Variants in CREBRF observed in about 807,000 individuals in gnomAD.
The protein encoded by CREBRF is CREB3 regulatory factor, also known as UPF0474 protein C5orf41.
In CREBRF, 5 loss-of-function variants were observed where a neutral mutation model predicts 66.1. The observed-to-expected ratio is 0.08, with a 90% confidence interval of 0.04 to 0.16. The LOEUF (loss-of-function observed/expected upper bound fraction) is 0.16, where lower values mean the gene tolerates loss of function less well. Among genes scored for constraint, CREBRF ranks in the 10% least tolerant of loss-of-function variants. The pLI, the probability that CREBRF is intolerant of heterozygous loss-of-function variation, is 1.00. For missense variants in CREBRF, 531 were observed against 744.9 expected, an observed-to-expected ratio of 0.71 and a Z score of 3.34; for synonymous variants, 229 against 264.4, an observed-to-expected ratio of 0.87 and a Z score of 1.30.
intron 2 of CREBRF, among the ~76,000 whole-genome samples, chr5:173,083,866 G>C (rs1405292383): frequency 6.6e-6 from 1 of 152,108 alleles, no homozygotes; most frequent in Non-Finnish European, 1.5e-5. Context: ...TTTTTTGACA[G>C]GGAAAACATT....
intron 7 of CREBRF, 132 bp from the exon 8 acceptor site, chr5:173,122,948 A>G (rs920973196): frequency 2.8e-6 from 2 of 704,004 alleles, no homozygotes; most frequent in African/African-American, 1.9e-5. Context: ...TTATGGCTGC[A>G]TAGTATTCCA....
At chr5:173,093,924 C>T (rs989907319) in intron 4 of CREBRF, among the ~76,000 whole-genome samples, 7 of 152,184 alleles carry the variant, frequency 4.6e-5, no homozygotes, top group African/African-American at 1.7e-4. Flanking sequence ...CCATTTCCCC[C>T]ACCCACCAGC....
In CREBRF at chr5:173,089,216, A is replaced by AAC. The variant is rs113514387; in HGVS notation, c.136-1078_136-1077dup. Among the ~76,000 whole-genome samples, 746 of 145,692 alleles carry AAC rather than the reference A, an allele frequency of 5.1e-3. 4 individuals are homozygous for AAC. Among genetic ancestry groups the AAC allele is most frequent in the African/African-American group, 0.01 (406 of 39,482 alleles). ...CAAAAAAAAAAACCCATACACAGAC[A>AAC]ACACACACACACACACACACACCCC... On this transcript the variant is annotated intron_variant, in intron 3 of 8. Coordinates refer to ENST00000296953, the MANE Select transcript of CREBRF (RefSeq NM_153607.3).
rs1758287199 is a variant in CREBRF, at chr5:173,090,241, T to C, written c.136-74T>C. Reference sequence around the variant, plus strand: ...AGACCAAAAGTCAAGTATTGATTTATCAGTTTGACATATGGAGGTGAATAT... The same window carrying C: ...AGACCAAAAGTCAAGTATTGATTTACCAGTTTGACATATGGAGGTGAATAT... On this transcript the variant is annotated intron_variant, in intron 3 of 8. Coordinates refer to ENST00000296953, the MANE Select transcript of CREBRF (RefSeq NM_153607.3). This position sits in a 1 kb window ranked among gnomAD's most constrained non-coding sequence, Gnocchi z 4.5. 3.3e-6 allele frequency: 4 copies of C among 1,215,778 alleles called. No homozygotes were observed. The African/African-American group carries it at 4.5e-5, about 14-fold the overall frequency. 75.3% of individuals were successfully genotyped at this position (1,215,778 alleles called of 1,614,324 possible). A position where few individuals can be genotyped will look rare whatever the true frequency, so the allele number is the denominator to read the frequency against.
intron 4 of CREBRF, among the ~76,000 whole-genome samples, chr5:173,094,258 A>G (rs892582960): frequency 2.0e-5 from 3 of 152,198 alleles, no homozygotes; most frequent in Non-Finnish European, 4.4e-5. Flanking sequence ...GAATGCAGAT[A>G]TCTCTTCAAG....
intron 2 of CREBRF, among the ~76,000 whole-genome samples, chr5:173,081,913 CAAAA>C (rs968951578): frequency 6.7e-6 from 1 of 149,462 alleles, no homozygotes; most frequent in South Asian, 2.1e-4. Flanking sequence ...AAAAAACAAA[CAAAA>C]AAGAACAGCT....
At chr5:173,096,282 T>G (rs932257673) in intron 4 of CREBRF, among the ~76,000 whole-genome samples, 7 of 152,226 alleles carry the variant, frequency 4.6e-5, no homozygotes, top group African/African-American at 1.7e-4. Flanking sequence ...GGTGAAGTCT[T>G]TAGGGTTTTC....
chr5:173,073,668 C>T (rs968727785), intron 1 of CREBRF, among the ~76,000 whole-genome samples: 1 of 152,154 alleles, frequency 6.6e-6, no homozygotes, highest in South Asian at 2.1e-4. Flanking sequence ...CAGAAACTTG[C>T]TTTAATAGTC....
intron 8 of CREBRF, among the ~76,000 whole-genome samples, chr5:173,128,340 C>T (rs1759320822): frequency 6.6e-6 from 1 of 151,938 alleles, no homozygotes; most frequent in African/African-American, 2.4e-5. Context: ...TTCTTGGCTA[C>T]CTAATATAAG....
chr5:173,130,529 C>CA (rs1759398613), intron 8 of CREBRF, among the ~76,000 whole-genome samples: 1 of 141,798 alleles, frequency 7.1e-6, no homozygotes, highest in Non-Finnish European at 1.5e-5. Flanking sequence ...AAATTCATTG[C>CA]TTTTTTTTTT....
chr5:173,061,184 T>C (rs140735674), intron 1 of CREBRF, among the ~76,000 whole-genome samples: 11 of 152,320 alleles, frequency 7.2e-5, no homozygotes, highest in African/African-American at 2.6e-4. Context: ...GCCAGGCTGG[T>C]CTCAATCTCC....
intron 1 of CREBRF, among the ~76,000 whole-genome samples, chr5:173,059,691 T>A (rs1757209937): frequency 6.6e-6 from 1 of 152,254 alleles, no homozygotes; most frequent in African/African-American, 2.4e-5. Context: ...ATACTTAGAA[T>A]ATTCCAGGCA....
chr5:173,094,136 T>A (rs1758418580), intron 4 of CREBRF, among the ~76,000 whole-genome samples: 1 of 152,230 alleles, frequency 6.6e-6, no homozygotes, highest in South Asian at 2.1e-4. Context: ...TATTCCTGTG[T>A]GTGTGGGCAT....
intron 8 of CREBRF, among the ~76,000 whole-genome samples, chr5:173,128,849 C>T (rs968954800): frequency 1.1e-4 from 16 of 151,786 alleles, no homozygotes; most frequent in South Asian, 2.1e-4. Flanking sequence ...GGCTCGATCT[C>T]GGCTCACCTT....
intron 2 of CREBRF, among the ~76,000 whole-genome samples, chr5:173,083,217 A>T (rs967553253): frequency 1.3e-5 from 2 of 152,122 alleles, no homozygotes; most frequent in Admixed American, 1.3e-4. Flanking sequence ...TCTCCAAAAA[A>T]AAATAAATAA....
At chr5:173,093,596 A>C (rs1758403712) in intron 4 of CREBRF, among the ~76,000 whole-genome samples, 1 of 152,186 alleles carries the variant, frequency 6.6e-6, no homozygotes, top group African/African-American at 2.4e-5. Context: ...GGCTCACTGC[A>C]ACCTCTGCTT....
chr5:173,117,603 A>T (rs182197810), intron 7 of CREBRF, among the ~76,000 whole-genome samples: 1,117 of 17,720 alleles, frequency 0.063, 37 homozygotes, highest in Non-Finnish European at 0.091. Flanking sequence ...CCTTCCTTCC[A>T]TCCCTCCCTC....
chr5:173,113,340 G>T (rs996665719), intron 7 of CREBRF, among the ~76,000 whole-genome samples: 1 of 145,762 alleles, frequency 6.9e-6, no homozygotes, highest in Non-Finnish European at 1.5e-5. Context: ...ACGGAGTCTC[G>T]CCCTGTTGCC....
At position 173,137,801 on chromosome 5, in the gene CREBRF, A is replaced by T. The variant is rs1388584909; in HGVS notation, c.*4056A>T. On this transcript the variant is annotated 3_prime_UTR_variant, in exon 9 of 9. Transcript: ENST00000296953. ...GTGCTTTTCTTTATTCCACACATTT[A>T]AAAAAATTTAGCTGCTAAGATTTAA... The T allele has an allele frequency of 6.6e-6, 1 of 152,112 alleles. No individual in the cohort carries two copies. The highest frequency in any genetic ancestry group is 2.4e-5 in the African/African-American group (1 of 41,452). 9.4% of individuals were successfully genotyped at this position (152,112 alleles called of 1,614,324 possible). A position where few individuals can be genotyped will look rare whatever the true frequency, so the allele number is the denominator to read the frequency against.
Sources: gnomAD v4.1 joint callset for allele counts (sites outside exome capture counted in the v4.1 genomes callset) on GRCh38, gnomAD v4.1.1 for gene constraint, Gnocchi (gnomAD v3.1) non-coding constraint, MANE v1.5 for transcripts, NCBI Gene and HGNC (gene_info 2026-07-23, HGNC 2026-07-21) for gene names.